Variants in NIBAN2 observed in about 807,000 individuals in gnomAD.
NIBAN2 encodes the protein niban apoptosis regulator 2, also known as protein Niban 2.
A neutral mutation model predicts 81.8 loss-of-function variants in NIBAN2; 36 were observed. That is an observed-to-expected ratio of 0.44 (90% CI 0.34 to 0.58). The LOEUF (loss-of-function observed/expected upper bound fraction) is 0.58, where lower values mean the gene tolerates loss of function less well. Among genes scored for constraint, NIBAN2 ranks in the 20% least tolerant of loss-of-function variants. The pLI is 0.02. For synonymous variants in NIBAN2, 445 were observed against 441.6 expected (o/e 1.01, Z -0.10); for missense variants, 897 against 1,014.1 (o/e 0.88, Z 1.57).
chr9:127,552,146 C>T (rs544682579), intron 1 of NIBAN2, among the ~76,000 whole-genome samples: 54 of 152,308 alleles, frequency 3.5e-4, no homozygotes, highest in Non-Finnish European at 5.0e-4. Flanking sequence ...GGACCATGGC[C>T]GCCTCCCCAC....
At position 127,508,580 on chromosome 9, in the gene NIBAN2, C is replaced by G. The variant is rs375445736; in HGVS notation, c.1318-42G>C. ...GGACATGTGAAGCCCCCAGGGTGAC[C>G]ACAGCCCCTTCCTGGGTGCCGCTGA... On this transcript the variant is annotated intron_variant, in intron 10 of 13. Transcript: ENST00000373312. This position sits in a 1 kb window ranked among gnomAD's most constrained non-coding sequence, Gnocchi z 6.4. 5 of 1,528,470 alleles carry G rather than the reference C, an allele frequency of 3.3e-6. No homozygotes were observed. The African/African-American group carries it at 6.8e-5, about 21-fold the overall frequency. The allele number at this position is 1,528,470 out of a possible 1,614,324, so 94.7% of individuals were successfully genotyped here.
chr9:127,526,533 A>C (rs1270119896), intron 3 of NIBAN2, among the ~76,000 whole-genome samples: 2 of 152,118 alleles, frequency 1.3e-5, no homozygotes, highest in Non-Finnish European at 2.9e-5. Context: ...CCAGTTGAGA[A>C]CCACTACTCT....
chr9:127,540,819 A>G (rs1264384340), intron 1 of NIBAN2, among the ~76,000 whole-genome samples: 1 of 152,158 alleles, frequency 6.6e-6, no homozygotes, highest in Non-Finnish European at 1.5e-5. Context: ...GCTGTGCCAG[A>G]CCCGTTCCTG....
At chr9:127,526,410 A>AG (rs1837065180) in intron 3 of NIBAN2, among the ~76,000 whole-genome samples, 1 of 151,280 alleles carries the variant, frequency 6.6e-6, no homozygotes, top group Non-Finnish European at 1.5e-5. Context: ...AAAAAAAAAA[A>AG]AAAAAGAAAA....
At chr9:127,573,387 T>C (rs1837970451), upstream of NIBAN2, among the ~76,000 whole-genome samples, 1 of 150,482 alleles carries the variant, frequency 6.6e-6, no homozygotes, top group South Asian at 2.1e-4. Context: ...TGTTAAGAAA[T>C]CAATTATTGT....
At position 127,568,949 on chromosome 9, in the gene NIBAN2, C is replaced by G. The variant is rs994072839; in HGVS notation, c.-75G>C. ...GCGCTGCTCAGGCGGACGCCGCTGG[C>G]GCCATGGAGCCCGGCCCGCCCTGCT... On this transcript the variant is annotated 5_prime_UTR_variant, in exon 1 of 14. Coordinates refer to ENST00000373312, the MANE Select transcript of NIBAN2 (RefSeq NM_022833.4). 8.5e-7 allele frequency: 1 copy of G among 1,180,634 alleles called. No individual in the cohort carries two copies. Among genetic ancestry groups the G allele is most frequent in the Non-Finnish European group, 1.0e-6 (1 of 956,668 alleles). 73.1% of individuals were successfully genotyped at this position (1,180,634 alleles called of 1,614,324 possible).
At chr9:127,510,692 C>T (rs1836722475) in intron 8 of NIBAN2, among the ~76,000 whole-genome samples, 1 of 152,080 alleles carries the variant, frequency 6.6e-6, no homozygotes, top group African/African-American at 2.4e-5. Flanking sequence ...GCCTCGGCCT[C>T]CCAAAGTGCT....
At chr9:127,524,798 T>G (rs1020318006) in intron 4 of NIBAN2, 2 of 366,504 alleles carry the variant, frequency 5.5e-6, no homozygotes, top group East Asian at 5.0e-5. Context: ...AAAAGCAGGA[T>G]GCCAAGAAGA....
intron 1 of NIBAN2, among the ~76,000 whole-genome samples, chr9:127,561,447 G>A (rs549852108): frequency 6.6e-6 from 1 of 152,270 alleles, no homozygotes; most frequent in East Asian, 1.9e-4. Context: ...ACTGTTCTGC[G>A]CTGACCAGGG....
chr9:127,537,974 C>A (rs1837309342), intron 1 of NIBAN2, among the ~76,000 whole-genome samples: 1 of 152,142 alleles, frequency 6.6e-6, no homozygotes, highest in African/African-American at 2.4e-5. Context: ...CCTCAGGAAG[C>A]CACTCCCATC....
intron 2 of NIBAN2, among the ~76,000 whole-genome samples, chr9:127,527,720 A>C (rs1270004285): frequency 6.6e-6 from 1 of 152,160 alleles, no homozygotes; most frequent in East Asian, 1.9e-4. Context: ...TGGTGCCCCG[A>C]GGTCGCTCCG....
rs1588150204 is a variant in NIBAN2 at position 127,508,874 on chromosome 9, G to A, written c.1317+102C>T. The A allele has an allele frequency of 2.2e-6, 3 of 1,334,544 alleles. No homozygotes were observed. In the East Asian group the frequency reaches 6.9e-5, roughly 31 times the overall value. The allele number at this position is 1,334,544 out of a possible 1,614,324, so 82.7% of individuals were successfully genotyped here. On this transcript the variant is annotated intron_variant, in intron 10 of 13. Coordinates refer to ENST00000373312, the MANE Select transcript of NIBAN2 (RefSeq NM_022833.4). The surrounding 1 kb of genome is among the most constrained non-coding windows in gnomAD (Gnocchi z 6.4). Reference sequence around the variant, plus strand: ...GGAGAGAGCGTGCCAGGCAAGCGTGGCTATGGCATGACGGGACGGAGCAGA... The same window carrying A: ...GGAGAGAGCGTGCCAGGCAAGCGTGACTATGGCATGACGGGACGGAGCAGA...
chr9:127,544,774 GA>G (rs2132212055), intron 1 of NIBAN2, among the ~76,000 whole-genome samples: 1 of 152,310 alleles, frequency 6.6e-6, no homozygotes, highest in East Asian at 1.9e-4. Context: ...GAAGTGCTAG[GA>G]TTACAGGCAT....
chr9:127,508,092 C>T lies in NIBAN2; in HGVS notation c.1542+1G>A, dbSNP rs774908788. 6.2e-7 allele frequency: 1 copy of T among 1,613,480 alleles called. No homozygotes were observed. The highest frequency in any genetic ancestry group is 8.5e-7 in the Non-Finnish European group (1 of 1,179,782). ...GGCTGGAGCAGGTGGGGGCTGCTCA[C>T]CGACTTGCAGGTAGGGGCCAGCTTC... On this transcript the variant is annotated splice_donor_variant, in intron 12 of 13. Transcript: ENST00000373312. LOFTEE classifies it high-confidence loss of function. This position sits in a 1 kb window ranked among gnomAD's most constrained non-coding sequence, Gnocchi z 6.4.
Position 127,508,535 on chromosome 9 carries a change from T to C in NIBAN2, c.1321A>G (p.Met441Val). The C allele has an allele frequency of 6.2e-7, 1 of 1,613,236 alleles. No homozygotes were observed. Reference sequence around the variant, plus strand: ...TCGAACGTATACACGGCATTGTCCATTTGCTGCAGGGCATACCGCGGACAT... The same window carrying C: ...TCGAACGTATACACGGCATTGTCCACTTGCTGCAGGGCATACCGCGGACAT... Reference protein sequence around the residue: ...QRAQIHMREQMDNAVYTFETL... With the variant: ...QRAQIHMREQVDNAVYTFETL... Residue 441 changes from methionine (M) to valine (V), a missense_variant, in exon 11 of 14, where the codon ATG becomes GTG. By Grantham distance (21) the Met-to-Val change is conservative. Around this residue, in one of 3 missense-constraint regions of NIBAN2, gnomAD observed 619 missense variants for 691.0 expected, o/e 0.90. Transcript: ENST00000373312. The surrounding 1 kb of genome is among the most constrained non-coding windows in gnomAD (Gnocchi z 6.4).
At chr9:127,562,209 G>A (rs1267823368) in intron 1 of NIBAN2, among the ~76,000 whole-genome samples, 3 of 152,024 alleles carry the variant, frequency 2.0e-5, no homozygotes, top group African/African-American at 7.3e-5. Context: ...TCCTCTCCCC[G>A]CCTCCGAAAG....
At chr9:127,518,005 A>T (rs1836866702) in intron 5 of NIBAN2, 64 bp from the exon 6 acceptor site, 4 of 1,077,852 alleles carry the variant, frequency 3.7e-6, no homozygotes, top group Non-Finnish European at 5.3e-6. Flanking sequence ...ACCAAGACCA[A>T]CTGAGAACTG....
At position 127,523,190 on chromosome 9, in the gene NIBAN2, AAAATATATATATATATATATATATAT is replaced by A. The variant is rs1358315996; in HGVS notation, c.589+463_589+488del. Among the ~76,000 whole-genome samples the A allele has an allele frequency of 1.6e-3, 37 of 22,990 alleles. 4 individuals are homozygous for A. Among genetic ancestry groups the A allele is most frequent in the East Asian group, 6.3e-3 (4 of 632 alleles). The allele number at this position is 22,990 out of a possible 152,430, so 15.1% of individuals were successfully genotyped here. ...GTTTTAAAAAAAAAAAAAAAAAAAAAAAATATATATATATATATATATATATATATATATATATATATATATATATA... is the reference window on the plus strand; with the variant it reads ...GTTTTAAAAAAAAAAAAAAAAAAAAAATATATATATATATATATATATATA... On this transcript the variant is annotated intron_variant, in intron 5 of 13. Transcript: ENST00000373312.
At chr9:127,531,604 C>T (rs1206073848) in intron 2 of NIBAN2, 44 bp downstream of exon 2, 14 of 1,587,970 alleles carry the variant, frequency 8.8e-6, no homozygotes, top group African/African-American at 1.3e-5. Context: ...GGCCACATGG[C>T]GAGAAGTAGC....
Sources: allele counts gnomAD v4.1 joint callset (sites outside exome capture counted in the v4.1 genomes callset), GRCh38; gene constraint gnomAD v4.1.1; regional missense constraint gnomAD v4.1.1; non-coding constraint Gnocchi (gnomAD v3.1); transcripts MANE v1.5; gene names NCBI Gene and HGNC (gene_info 2026-07-23, HGNC 2026-07-21).